The following PLXNA4 variants were observed in gnomAD, a reference collection of about 807,000 sequenced individuals.
PLXNA4 encodes the protein plexin-A4.
Under a neutral mutation model 191.8 loss-of-function variants are expected in PLXNA4, and 44 were observed. The observed-to-expected ratio is 0.23, with a 90% CI of 0.18 to 0.29. The LOEUF (loss-of-function observed/expected upper bound fraction) is 0.29. PLXNA4 is among the 10% of genes least tolerant of loss of function. PLXNA4 has a pLI of 1.00. For synonymous variants in PLXNA4, 1,082 were observed against 1,009.5 expected (o/e 1.07, Z -1.36); for missense variants, 1,800 against 2,488.8 (o/e 0.72, Z 5.89).
intron 3 of PLXNA4, among the ~76,000 whole-genome samples, chr7:132,419,091 ACTTG>A: frequency 6.6e-6 from 1 of 152,178 alleles, no homozygotes; most frequent in Non-Finnish European, 1.5e-5. Context: ...TGGTCCTGGG[ACTTG>A]CTTCTTTTTG....
At chr7:132,287,953 T>C (rs1800746471) in intron 4 of PLXNA4, among the ~76,000 whole-genome samples, 1 of 152,156 alleles carries the variant, frequency 6.6e-6, no homozygotes, top group African/African-American at 2.4e-5. Flanking sequence ...CCCCAGAGAC[T>C]CCTTCTGCCT....
chr7:132,478,232 T>G (rs973314564), intron 3 of PLXNA4, among the ~76,000 whole-genome samples: 1 of 152,268 alleles, frequency 6.6e-6, no homozygotes, highest in Non-Finnish European at 1.5e-5. Context: ...AGGTTTAAGA[T>G]GTATCTTTCT....
chr7:132,318,193 A>AG (rs999647823), intron 3 of PLXNA4, among the ~76,000 whole-genome samples: 1 of 152,140 alleles, frequency 6.6e-6, no homozygotes, highest in Admixed American at 6.5e-5. Flanking sequence ...CCCTGGTTGC[A>AG]GGGGGAGGGA....
chr7:132,347,358 T>C (rs1290886870), intron 3 of PLXNA4, among the ~76,000 whole-genome samples: 1 of 152,054 alleles, frequency 6.6e-6, no homozygotes, highest in Non-Finnish European at 1.5e-5. Flanking sequence ...TTTCATCACC[T>C]GAAAACTAAG....
chr7:132,190,458 C>A (rs1043729390), intron 14 of PLXNA4, among the ~76,000 whole-genome samples: 26 of 152,352 alleles, frequency 1.7e-4, no homozygotes, highest in Admixed American at 1.7e-3. Flanking sequence ...CTCAGCCCAG[C>A]TTGCATCTCA....
intron 3 of PLXNA4, among the ~76,000 whole-genome samples, chr7:132,330,527 T>C (rs744767): frequency 0.31 from 46,468 of 152,166 alleles, 8,487 homozygotes; most frequent in African/African-American, 0.52. Flanking sequence ...GAGTACTTCT[T>C]TACCGCACAC....
At chr7:132,354,179 G>GTT (rs1283513721) in intron 3 of PLXNA4, among the ~76,000 whole-genome samples, 1 of 94,588 alleles carries the variant, frequency 1.1e-5, no homozygotes, top group African/African-American at 7.6e-5. Context: ...GGCACCAACA[G>GTT]TGTGTGCGTG....
intron 3 of PLXNA4, among the ~76,000 whole-genome samples, chr7:132,453,391 C>A (rs879740991): frequency 2.6e-5 from 4 of 152,234 alleles, no homozygotes; most frequent in African/African-American, 9.6e-5. Flanking sequence ...AGAAATACCC[C>A]TTTTTGGATC....
intron 12 of PLXNA4, among the ~76,000 whole-genome samples, chr7:132,201,606 T>C (rs1797436186): frequency 6.6e-6 from 1 of 152,184 alleles, no homozygotes; most frequent in Non-Finnish European, 1.5e-5. Context: ...TAAAGAGGTA[T>C]TGAGCACCTA....
At chr7:132,445,825 C>T (rs277467) in intron 3 of PLXNA4, among the ~76,000 whole-genome samples, 3,307 of 152,288 alleles carry the variant, frequency 0.022, 116 homozygotes, top group African/African-American at 0.076. Context: ...GGGCTCTGCT[C>T]AGCCCTCACT....
intron 4 of PLXNA4, among the ~76,000 whole-genome samples, chr7:132,267,235 G>C (rs1799892182): frequency 1.3e-5 from 2 of 152,232 alleles, no homozygotes; most frequent in African/African-American, 4.8e-5. Context: ...TGTTATGTGA[G>C]TGTTTATGTT....
chr7:132,426,549 C>T (rs1472912997), intron 3 of PLXNA4, among the ~76,000 whole-genome samples: 1 of 152,174 alleles, frequency 6.6e-6, no homozygotes, highest in African/African-American at 2.4e-5. Context: ...CCCAGAAACA[C>T]TGAGGCAAAT....
At chr7:132,423,389 G>A (rs536588554) in intron 3 of PLXNA4, among the ~76,000 whole-genome samples, 1 of 152,328 alleles carries the variant, frequency 6.6e-6, no homozygotes, top group South Asian at 2.1e-4. Context: ...GCCCTGTTCT[G>A]TCCTCCCTCA....
chr7:132,406,763 G>A (rs1309397223), intron 3 of PLXNA4, among the ~76,000 whole-genome samples: 1 of 152,138 alleles, frequency 6.6e-6, no homozygotes, highest in Admixed American at 6.5e-5. Context: ...TAGAATTTGG[G>A]TGACCTGTCT....
chr7:132,185,389 A>G lies in PLXNA4; in HGVS notation c.3068T>C (p.Val1023Ala). ...GTCCTGGTGGATCTTGGCCCTGTCC[A>G]CCTGCACCGACACCTTCATCTCTAG... The part of the protein sequence containing the change: ...EVLEMKVSVQ[V>A]DRAKIHQDLV... The change falls in exon 16 of 32, where the codon GTG becomes GCG. Residue 1023 changes from valine to alanine, a missense_variant. Val to Ala is a moderately conservative substitution (Grantham distance 64). Transcript: ENST00000321063. 6.2e-7 allele frequency: 1 copy of G among 1,614,086 alleles called. No individual in the cohort carries two copies. Among genetic ancestry groups the G allele is most frequent in the Middle Eastern group, 1.7e-4 (1 of 6,026 alleles).
chr7:132,214,592 G>A (rs13228106), intron 9 of PLXNA4, among the ~76,000 whole-genome samples: 33,746 of 151,662 alleles, frequency 0.22, 5,237 homozygotes, highest in East Asian at 0.59. Context: ...CCTGCCCCGC[G>A]CTGAGATTCC....
rs142758403 is a variant in PLXNA4, at chr7:132,282,032, C to T, written c.1503+16059G>A. Among the ~76,000 whole-genome samples, 4 of 152,256 alleles carry T rather than the reference C, an allele frequency of 2.6e-5. No homozygotes were observed. The East Asian group carries it at 7.7e-4, about 29-fold the overall frequency. ...TCAAGCCCTCCAAGATGTTGGGTTC[C>T]CAGCATCTCTGTGCCTCTCTAATGC... On this transcript the variant is annotated intron_variant, in intron 4 of 31. Coordinates refer to ENST00000321063, the MANE Select transcript of PLXNA4 (RefSeq NM_020911.2).
At chr7:132,334,284 G>T (rs76384795) in intron 3 of PLXNA4, among the ~76,000 whole-genome samples, 1,977 of 112,112 alleles carry the variant, frequency 0.018, 62 homozygotes, top group African/African-American at 0.068. Flanking sequence ...TTGAGATAGG[G>T]TCTCACTTTG....
intron 3 of PLXNA4, among the ~76,000 whole-genome samples, chr7:132,481,541 G>A (rs188236642): frequency 4.8e-4 from 73 of 152,270 alleles, no homozygotes; most frequent in African/African-American, 1.7e-3. Flanking sequence ...AGGATTACAT[G>A]TGACAATCAA....
Sources: allele counts gnomAD v4.1 joint callset (sites outside exome capture counted in the v4.1 genomes callset), GRCh38; gene constraint gnomAD v4.1.1; transcripts MANE v1.5; gene names NCBI Gene and HGNC (gene_info 2026-07-23, HGNC 2026-07-21).